The following KCND3 variants were observed in gnomAD, a reference collection of about 807,000 sequenced individuals.
KCND3 encodes A-type voltage-gated potassium channel KCND3.
In KCND3, 9 loss-of-function variants were observed where a neutral mutation model predicts 51.1. That is an observed-to-expected ratio of 0.18 (90% confidence interval 0.11 to 0.31). KCND3 has a LOEUF of 0.31. Ranked by LOEUF, KCND3 falls within the 10% of genes least tolerant of loss-of-function variation. KCND3 has a pLI of 1.00. For missense variants in KCND3, 526 were observed against 903.8 expected, an observed-to-expected ratio of 0.58 and a Z score of 5.36; for synonymous variants, 349 against 368.0, an observed-to-expected ratio of 0.95 and a Z score of 0.59.
rs148010195 is a variant in KCND3, at chr1:111,949,358, G to A, written c.1106+32263C>T. Among the ~76,000 whole-genome samples the A allele has an allele frequency of 8.3e-4, 127 of 152,254 alleles. 1 individual carries two copies. In the East Asian group the frequency reaches 0.02, roughly 24 times the overall value. ...AATGCACTTCAAATTCTAAAACCCCGCGGAGGTGCAGGAAAAAGAGCAACC... is the reference window on the plus strand; with the variant it reads ...AATGCACTTCAAATTCTAAAACCCCACGGAGGTGCAGGAAAAAGAGCAACC... On this transcript the variant is annotated intron_variant, in intron 2 of 7. Transcript: ENST00000302127.
At chr1:111,883,876 C>A (rs1308081500) in intron 2 of KCND3, among the ~76,000 whole-genome samples, 1 of 152,170 alleles carries the variant, frequency 6.6e-6, no homozygotes, top group African/African-American at 2.4e-5. Context: ...TGAATTTTTC[C>A]CCCAACTATG....
At chr1:111,940,951 T>C (rs1249317403) in intron 2 of KCND3, among the ~76,000 whole-genome samples, 2 of 152,212 alleles carry the variant, frequency 1.3e-5, no homozygotes, top group East Asian at 1.9e-4. Context: ...GTAAGTATCA[T>C]GAGAGCAGGG....
At chr1:111,878,000 T>C (rs1669128112) in intron 2 of KCND3, among the ~76,000 whole-genome samples, 2 of 152,148 alleles carry the variant, frequency 1.3e-5, no homozygotes, top group Admixed American at 1.3e-4. Flanking sequence ...GGAGTTGGTG[T>C]GTTATTATTC....
chr1:111,869,460 G>C (rs1668737336), intron 2 of KCND3, among the ~76,000 whole-genome samples: 1 of 152,170 alleles, frequency 6.6e-6, no homozygotes, highest in Non-Finnish European at 1.5e-5. Context: ...TTGGGGTTAT[G>C]GCCACATTGC....
intron 2 of KCND3, among the ~76,000 whole-genome samples, chr1:111,931,501 G>A (rs1012765910): frequency 1.4e-4 from 21 of 152,188 alleles, no homozygotes; most frequent in Non-Finnish European, 2.8e-4. Context: ...TCCTAGTGTA[G>A]TCGCTGAAAG....
At chr1:111,800,029 G>A (rs527803835) in intron 2 of KCND3, among the ~76,000 whole-genome samples, 111 of 151,620 alleles carry the variant, frequency 7.3e-4, no homozygotes, top group African/African-American at 2.6e-3. Flanking sequence ...CCACCACCCC[G>A]TCTGGGAGGT....
intron 2 of KCND3, among the ~76,000 whole-genome samples, chr1:111,872,347 T>C (rs1159734648): frequency 6.6e-6 from 1 of 152,228 alleles, no homozygotes; most frequent in Non-Finnish European, 1.5e-5. Flanking sequence ...GGAATGCACA[T>C]TATTAGTATC....
intron 2 of KCND3, among the ~76,000 whole-genome samples, chr1:111,975,067 T>C (rs113208279): frequency 6.6e-6 from 1 of 152,214 alleles, no homozygotes; most frequent in Non-Finnish European, 1.5e-5. Context: ...GCCTCTCTGT[T>C]TTCGTGTCTG....
chr1:111,912,205 T>C (rs941731955), intron 2 of KCND3, among the ~76,000 whole-genome samples: 3 of 152,252 alleles, frequency 2.0e-5, no homozygotes, highest in African/African-American at 4.8e-5. Flanking sequence ...GTGTGCTGCA[T>C]AGCAATGTTT....
intron 2 of KCND3, among the ~76,000 whole-genome samples, chr1:111,864,154 C>T (rs949653370): frequency 2.6e-5 from 4 of 151,554 alleles, no homozygotes; most frequent in Admixed American, 2.0e-4. Flanking sequence ...GAGGGGTGGG[C>T]GTGTGGAAGG....
chr1:111,788,612 A>G (rs2365667), intron 2 of KCND3, among the ~76,000 whole-genome samples: 25,858 of 152,120 alleles, frequency 0.17, 2,374 homozygotes, highest in Admixed American at 0.22. Context: ...CTGGCTCAAG[A>G]TTTCCTGGAC....
intron 2 of KCND3, chr1:111,909,401 A>C (rs1365843897): frequency 6.6e-6 from 1 of 152,202 alleles, no homozygotes; most frequent in Non-Finnish European, 1.5e-5. Flanking sequence ...ATCTCGGCCA[A>C]GGGATCGAGA....
intron 2 of KCND3, among the ~76,000 whole-genome samples, chr1:111,957,361 A>G (rs6658045): frequency 1 from 152,184 of 152,340 alleles, 76,014 homozygotes; most frequent in Non-Finnish European, 1. Flanking sequence ...CCGGGAACAA[A>G]GCGGTGTGGC....
At chr1:111,916,625 C>G (rs772875939) in intron 2 of KCND3, among the ~76,000 whole-genome samples, 1 of 151,886 alleles carries the variant, frequency 6.6e-6, no homozygotes, top group Non-Finnish European at 1.5e-5. Flanking sequence ...AAGCTCTTTT[C>G]TAAAAAAGAT....
intron 2 of KCND3, among the ~76,000 whole-genome samples, chr1:111,930,608 C>CT (rs34678942): frequency 0.58 from 87,990 of 151,430 alleles, 26,422 homozygotes; most frequent in Admixed American, 0.73. Context: ...GTGCCACCCC[C>CT]AACCCCCTTC....
chr1:111,900,030 C>T (rs1670309559), intron 2 of KCND3, among the ~76,000 whole-genome samples: 1 of 152,194 alleles, frequency 6.6e-6, no homozygotes, highest in Non-Finnish European at 1.5e-5. Context: ...AACTTGGCGC[C>T]ACACAGGAGT....
intron 2 of KCND3, among the ~76,000 whole-genome samples, chr1:111,818,421 A>G (rs1666204632): frequency 6.6e-6 from 1 of 152,236 alleles, no homozygotes; most frequent in Admixed American, 6.5e-5. Context: ...TGAGCTGGAG[A>G]GTGCCCCTTG....
chr1:111,840,262 A>T (rs1485975760), intron 2 of KCND3, among the ~76,000 whole-genome samples: 1 of 152,152 alleles, frequency 6.6e-6, no homozygotes, highest in Non-Finnish European at 1.5e-5. Context: ...TTTTGGGGAC[A>T]CAACACTGGC....
intron 2 of KCND3, among the ~76,000 whole-genome samples, chr1:111,838,724 C>G (rs1281847913): frequency 6.6e-6 from 1 of 152,178 alleles, no homozygotes; most frequent in African/African-American, 2.4e-5. Context: ...GCACACACAA[C>G]AGATGAGGCC....
Sources: allele counts gnomAD v4.1 joint callset (sites outside exome capture counted in the v4.1 genomes callset), GRCh38; gene constraint gnomAD v4.1.1; transcripts MANE v1.5; gene names NCBI Gene and HGNC (gene_info 2026-07-23, HGNC 2026-07-21).